ANK2: variants seen among roughly 807,000 people sequenced by gnomAD.
ANK2 encodes the protein ankyrin 2, also known as ankyrin-2.
A neutral mutation model predicts 360.5 loss-of-function variants in ANK2; 83 were observed. The observed-to-expected ratio is 0.23, with a 90% CI of 0.19 to 0.28. The LOEUF (loss-of-function observed/expected upper bound fraction) is 0.28. ANK2 is among the 10% of genes least tolerant of loss of function. The pLI is 1.00. For missense variants in ANK2, 4,201 were observed against 4,795.7 expected, an observed-to-expected ratio of 0.88 and a Z score of 3.66; for synonymous variants, 1,740 against 1,759.5, an observed-to-expected ratio of 0.99 and a Z score of 0.28.
At chr4:113,284,496 A>T (rs1281268891) in intron 18 of ANK2, among the ~76,000 whole-genome samples, 1 of 152,222 alleles carries the variant, frequency 6.6e-6, no homozygotes, top group African/African-American at 2.4e-5. Context: ...AATGACAAGT[A>T]CATATCTGAA....
Position 112,960,055 on chromosome 4 carries a change from A to C in ANK2, c.21+55541A>C, listed in dbSNP as rs140170128. Among the ~76,000 whole-genome samples the C allele has an allele frequency of 4.5e-4, 68 of 152,298 alleles. No individual in the cohort carries two copies. The East Asian group carries it at 7.9e-3, about 18-fold the overall frequency. On this transcript the variant is annotated intron_variant, in intron 2 of 30. Coordinates refer to the ANK2 transcript ENST00000503271. ...CTCCTGTGGTGGCAATGATAATAAT[A>C]ATAATTTATTTAAAATAGCCAAGGT...
At chr4:112,834,493 A>G (rs964783743) in intron 1 of ANK2, among the ~76,000 whole-genome samples, 1 of 152,216 alleles carries the variant, frequency 6.6e-6, no homozygotes, top group Non-Finnish European at 1.5e-5. Flanking sequence ...AATAAGAAAT[A>G]TATTTGCCAA....
At chr4:112,839,888 T>C (rs2061737221) in intron 1 of ANK2, among the ~76,000 whole-genome samples, 1 of 152,212 alleles carries the variant, frequency 6.6e-6, no homozygotes, top group Non-Finnish European at 1.5e-5. Context: ...ACCATATTTT[T>C]CCTTCAGGGA....
chr4:112,966,096 A>G (rs2154263323), intron 2 of ANK2, among the ~76,000 whole-genome samples: 1 of 151,934 alleles, frequency 6.6e-6, no homozygotes, highest in African/African-American at 2.4e-5. Flanking sequence ...ATCTATAAAC[A>G]TCTTCAATTA....
intron 2 of ANK2, among the ~76,000 whole-genome samples, chr4:113,002,006 A>T (rs1194262276): frequency 6.8e-6 from 1 of 147,696 alleles, no homozygotes. Context: ...CGTTTCTTTT[A>T]TTTATTTATT....
At chr4:112,778,262 A>G in the ANK2 span, among the ~76,000 whole-genome samples, 1 of 151,904 alleles carries the variant, frequency 6.6e-6, no homozygotes, top group African/African-American at 2.4e-5. Flanking sequence ...GAGCCACCAC[A>G]CCTGGCCAAT....
chr4:113,271,466 A>T (rs1243123562), intron 14 of ANK2, among the ~76,000 whole-genome samples: 1 of 107,904 alleles, frequency 9.3e-6, no homozygotes, highest in Non-Finnish European at 1.9e-5. Flanking sequence ...GCATGCGTGC[A>T]CATGCACGCA....
intron 1 of ANK2, among the ~76,000 whole-genome samples, chr4:112,885,777 ACAGAGCAAGACTCT>A (rs2078156787): frequency 1.4e-5 from 2 of 138,094 alleles, no homozygotes; most frequent in African/African-American, 5.6e-5. Flanking sequence ...AGCCTGGGGG[ACAGAGCAAGACTCT>A]GTCTCAAAAA....
the ANK2 span, among the ~76,000 whole-genome samples, chr4:112,789,663 A>G: frequency 1.3e-5 from 2 of 152,180 alleles, no homozygotes; most frequent in East Asian, 3.8e-4. Flanking sequence ...AGGGATATGT[A>G]GTATATATCC....
rs2096662213 is a variant in ANK2 at position 113,369,744 on chromosome 4, A to T, written c.11549A>T (p.Glu3850Val). The T allele has an allele frequency of 3.7e-6, 6 of 1,614,128 alleles. No individual in the cohort carries two copies. Among genetic ancestry groups the T allele is most frequent in the Non-Finnish European group, 4.2e-6 (5 of 1,180,020 alleles). ...SPRKTSLVIV[E>V]SADNQPETCE... The stretch of plus-strand genomic sequence containing the variant: ...CGGAAAACCAGCCTCGTAATAGTGG[A>T]GTCTGCCGATAACCAGCCTGAGACC... Residue 3850 changes from glutamate (E) to valine (V), a missense_variant, in exon 43 of 46, where the codon GAG (glutamate) becomes GTG (valine). This residue lies in a region of ANK2 where 2,642 missense variants were observed against 2,714.5 expected (regional missense o/e 0.97). Coordinates refer to ENST00000357077, the MANE Select transcript of ANK2 (RefSeq NM_001148.6).
chr4:112,816,545 TGATATTA>T (rs1423558393), upstream of ANK2, among the ~76,000 whole-genome samples: 3 of 152,046 alleles, frequency 2.0e-5, no homozygotes, highest in African/African-American at 4.8e-5. Context: ...TATCAAATAA[TGATATTA>T]TAGCCTTAAT....
chr4:112,721,249 G>T, the ANK2 span, among the ~76,000 whole-genome samples: 1 of 152,098 alleles, frequency 6.6e-6, no homozygotes, highest in Non-Finnish European at 1.5e-5. Context: ...TTAAAAGTTT[G>T]GCTGCCCTAG....
In ANK2 at chr4:113,355,513, G is replaced by A. The variant is rs537233629; in HGVS notation, c.6895G>A (p.Asp2299Asn). ...SEERGATVTE[D>N]SETSTESFQK... ...AGAGCGAGGTGCCACAGTCACTGAG[G>A]ACTCAGAGACCTCTACTGAGAGTTT... is the stretch of plus-strand genomic sequence containing the variant. The change falls in exon 38 of 46, where the codon GAC becomes AAC. Residue 2299 changes from aspartate to asparagine, a missense_variant. Physicochemically the swap from Asp to Asn is conservative, Grantham distance 23. Transcript: ENST00000357077. 3 of 1,614,014 alleles carry A rather than the reference G, an allele frequency of 1.9e-6. No homozygotes were observed. Among genetic ancestry groups the A allele is most frequent in the South Asian group, 1.1e-5 (1 of 91,078 alleles).
chr4:113,237,557 G>A (rs774410601), intron 6 of ANK2, 42 bp from the exon 7 acceptor site: 2 of 1,577,532 alleles, frequency 1.3e-6, no homozygotes. Flanking sequence ...ATTTTGCATT[G>A]TGTAATATCT....
At chr4:113,246,340 C>G (rs1372998496) in intron 9 of ANK2, among the ~76,000 whole-genome samples, 1 of 152,100 alleles carries the variant, frequency 6.6e-6, no homozygotes. Context: ...TTTCTTGGCT[C>G]TCATCACCAT....
chr4:113,062,995 A>G (rs1304355630), intron 1 of ANK2, among the ~76,000 whole-genome samples: 2 of 152,142 alleles, frequency 1.3e-5, no homozygotes, highest in Admixed American at 1.3e-4. Flanking sequence ...ATATCAATTT[A>G]GGTGACAGAT....
chr4:113,009,280 GA>G (rs1360288583), intron 2 of ANK2, among the ~76,000 whole-genome samples: 6 of 152,072 alleles, frequency 3.9e-5, no homozygotes, highest in Non-Finnish European at 7.4e-5. Flanking sequence ...AATATATTCT[GA>G]AAACTACAGA....
intron 1 of ANK2, among the ~76,000 whole-genome samples, chr4:112,820,968 A>G (rs548693301): frequency 6.6e-6 from 1 of 151,982 alleles, no homozygotes; most frequent in African/African-American, 2.4e-5. Context: ...CTGGAGTGCA[A>G]TGGCGCGATC....
At chr4:113,363,502 A>C (rs1317848608) in intron 40 of ANK2, 33 bp downstream of exon 40, 1 of 1,612,320 alleles carries the variant, frequency 6.2e-7, no homozygotes, top group Non-Finnish European at 8.5e-7. Context: ...ATTGGGCTAA[A>C]GTTGGACATG....
Sources: gnomAD v4.1 joint callset for allele counts (sites outside exome capture counted in the v4.1 genomes callset) on GRCh38, gnomAD v4.1.1 for gene constraint, gnomAD v4.1.1 regional missense constraint, MANE v1.5 for transcripts, NCBI Gene and HGNC (gene_info 2026-07-23, HGNC 2026-07-21) for gene names.